Variants in MALRD1 observed in about 807,000 individuals in gnomAD.
MALRD1 encodes MAM and LDL receptor class A domain containing 1.
In MALRD1, 247 loss-of-function variants were observed where a neutral mutation model predicts 242.1. The observed-to-expected ratio is 1.02, with a 90% CI of 0.92 to 1.13. MALRD1 has a LOEUF of 1.13. MALRD1 is among the 50% of genes most tolerant of loss of function. The pLI, the probability that MALRD1 is intolerant of heterozygous loss-of-function variation, is 0.00. For synonymous variants in MALRD1, 995 were observed against 866.6 expected (o/e 1.15, Z -2.60); for missense variants, 2,989 against 2,533.1 (o/e 1.18, Z -3.86).
chr10:19,623,476 T>C (rs1175525379), intron 36 of MALRD1, among the ~76,000 whole-genome samples: 1 of 152,168 alleles, frequency 6.6e-6, no homozygotes, highest in African/African-American at 2.4e-5. Flanking sequence ...TTATGGAGGC[T>C]GGGAAATCCC....
At chr10:19,491,806 T>TCAAATA (rs1335128554) in intron 30 of MALRD1, among the ~76,000 whole-genome samples, 161 bp downstream of exon 30, 1 of 152,182 alleles carries the variant, frequency 6.6e-6, no homozygotes, top group Admixed American at 6.5e-5. Flanking sequence ...TATACAAGTA[T>TCAAATA]CAAATACAAA....
chr10:19,370,436 A>G (rs561352822), intron 26 of MALRD1, among the ~76,000 whole-genome samples: 1 of 151,918 alleles, frequency 6.6e-6, no homozygotes, highest in South Asian at 2.1e-4. Context: ...GATCTTGTCT[A>G]TATTTTTAAA....
intron 21 of MALRD1, among the ~76,000 whole-genome samples, chr10:19,288,296 G>A (rs139075246): frequency 1.9e-3 from 293 of 152,036 alleles, no homozygotes; most frequent in African/African-American, 6.9e-3. Flanking sequence ...TTTATCCTTT[G>A]AGTTACAAAC....
In MALRD1 at chr10:19,163,137, T is replaced by TAAAAAAAAAAAA. The variant is rs58034381; in HGVS notation, c.1657-2483_1657-2472dup. ...TGAACAACTGGAGTGAAACCCTGTC[T>TAAAAAAAAAAAA]AAAAAAAAAAAAAAAAAAAAAAAAA... On this transcript the variant is annotated intron_variant, in intron 12 of 39. Coordinates refer to ENST00000454679, the MANE Select transcript of MALRD1 (RefSeq NM_001142308.3). 5.6e-3 allele frequency among the ~76,000 whole-genome samples: 244 copies of TAAAAAAAAAAAA among 43,834 alleles called. 23 individuals are homozygous for TAAAAAAAAAAAA. Among genetic ancestry groups the TAAAAAAAAAAAA allele is most frequent in the African/African-American group, 6.0e-3 (73 of 12,114 alleles). 28.8% of individuals were successfully genotyped at this position (43,834 alleles called of 152,430 possible).
At chr10:19,523,289 A>G (rs190154266) in intron 31 of MALRD1, among the ~76,000 whole-genome samples, 1 of 152,324 alleles carries the variant, frequency 6.6e-6, no homozygotes, top group East Asian at 1.9e-4. Context: ...CCCATTACAT[A>G]TGCATTAAAA....
chr10:19,307,524 G>A (rs968891815), intron 21 of MALRD1, among the ~76,000 whole-genome samples: 4 of 151,414 alleles, frequency 2.6e-5, no homozygotes, highest in South Asian at 2.1e-4. Flanking sequence ...TATATAACTC[G>A]GGGTGTGGAT....
chr10:19,546,166 A>C (rs927572477), intron 32 of MALRD1, among the ~76,000 whole-genome samples: 5 of 152,136 alleles, frequency 3.3e-5, no homozygotes, highest in African/African-American at 1.2e-4. Context: ...TAGATGGATG[A>C]GTCTAGGTTG....
chr10:19,690,886 T>C (rs544673305), intron 36 of MALRD1, among the ~76,000 whole-genome samples: 50 of 152,198 alleles, frequency 3.3e-4, no homozygotes, highest in Non-Finnish European at 5.0e-4. Context: ...CCATTATTTT[T>C]TTAACTGGTA....
At chr10:19,215,905 GT>G (rs1011495975) in intron 18 of MALRD1, among the ~76,000 whole-genome samples, 5 of 151,014 alleles carry the variant, frequency 3.3e-5, no homozygotes, top group African/African-American at 7.3e-5. Context: ...CCTTTGCATA[GT>G]TTTTTTTCAT....
At chr10:19,732,722 T>C (rs1256801499) in intron 39 of MALRD1, among the ~76,000 whole-genome samples, 1 of 152,188 alleles carries the variant, frequency 6.6e-6, no homozygotes, top group Non-Finnish European at 1.5e-5. Context: ...ATAGGTATTA[T>C]GGATTCTTTA....
At chr10:19,530,404 T>TATAAATATACA (rs1564417318) in intron 31 of MALRD1, among the ~76,000 whole-genome samples, 1 of 19,280 alleles carries the variant, frequency 5.2e-5, no homozygotes, top group Non-Finnish European at 1.1e-4. Context: ...ATAAATATTA[T>TATAAATATACA]ATATTTATAT....
At position 19,412,944 on chromosome 10, in the gene MALRD1, CAAAG is replaced by C. The variant is rs553133072; in HGVS notation, c.4845+23347_4845+23350del. ...TATGTAGATCAAACATTTTATTTTACAAAGAAAGAAAGAAAATTATTCCTATATG... is the reference window on the plus strand; with the variant it reads ...TATGTAGATCAAACATTTTATTTTACAAAGAAAGAAAATTATTCCTATATG... On this transcript the variant is annotated intron_variant, in intron 28 of 39. Transcript: ENST00000454679. Among the ~76,000 whole-genome samples, 687 of 151,776 alleles carry C rather than the reference CAAAG, an allele frequency of 4.5e-3. 2 individuals are homozygous for C. The highest frequency in any genetic ancestry group is 0.014 in the South Asian group (67 of 4,816).
At chr10:19,302,470 C>G (rs1159789474) in intron 21 of MALRD1, among the ~76,000 whole-genome samples, 1 of 151,760 alleles carries the variant, frequency 6.6e-6, no homozygotes, top group Non-Finnish European at 1.5e-5. Context: ...GAATGACGGA[C>G]CGTTGTGTGC....
intron 32 of MALRD1, among the ~76,000 whole-genome samples, chr10:19,537,834 C>G (rs929152370): frequency 1.1e-4 from 16 of 151,984 alleles, no homozygotes; most frequent in African/African-American, 3.6e-4. Context: ...CCATCACCTT[C>G]GGGGTTAGGA....
At chr10:19,539,947 T>G (rs1834890281) in intron 32 of MALRD1, among the ~76,000 whole-genome samples, 1 of 149,554 alleles carries the variant, frequency 6.7e-6, no homozygotes. Context: ...TTTGCCATGT[T>G]GCCCAGGCTG....
At chr10:19,125,294 CTTCCTTCCTTCCTTCCTTCCTTCCTTCCT>C (rs1837223253) in intron 7 of MALRD1, among the ~76,000 whole-genome samples, 1 of 38,642 alleles carries the variant, frequency 2.6e-5, no homozygotes, top group African/African-American at 1.6e-4. Context: ...TCTTTCTTTC[CTTCCTTCCTTCCTTCCTTCCTTCCTTCCT>C]TCTTTCTTTC....
intron 36 of MALRD1, among the ~76,000 whole-genome samples, chr10:19,621,351 T>TAAAAAAAAAAAAAAAAAAAAAAAAAAAA (rs56041015): frequency 2.5e-5 from 3 of 121,874 alleles, no homozygotes; most frequent in Non-Finnish European, 3.3e-5. Context: ...TAAAAATATG[T>TAAAAAAAAAAAAAAAAAAAAAAAAAAAA]AAAAAAAAAA....
At chr10:19,200,656 T>G (rs931770790) in intron 14 of MALRD1, among the ~76,000 whole-genome samples, 6 of 146,046 alleles carry the variant, frequency 4.1e-5, no homozygotes, top group South Asian at 2.2e-4. Context: ...TTTTTTTTTT[T>G]TTTTTTTTTT....
chr10:19,455,818 C>T (rs762409896), intron 29 of MALRD1, among the ~76,000 whole-genome samples: 7 of 152,178 alleles, frequency 4.6e-5, no homozygotes, highest in South Asian at 2.1e-4. Flanking sequence ...CACACATCTA[C>T]GGAGAGCTGG....
Sources: gnomAD v4.1 joint callset for allele counts (sites outside exome capture counted in the v4.1 genomes callset) on GRCh38, gnomAD v4.1.1 for gene constraint, MANE v1.5 for transcripts, NCBI Gene and HGNC (gene_info 2026-07-23, HGNC 2026-07-21) for gene names.